GRIK2: variants seen among roughly 807,000 people sequenced by gnomAD.
The protein encoded by GRIK2 is glutamate receptor ionotropic, kainate 2.
Under a neutral mutation model 100.3 loss-of-function variants are expected in GRIK2, and 32 were observed. The ratio of observed to expected loss-of-function variants is 0.32; its 90% CI spans 0.24 to 0.43. GRIK2 has a LOEUF of 0.43. GRIK2 is among the 20% of genes least tolerant of loss of function. The pLI, the probability that GRIK2 is intolerant of heterozygous loss-of-function variation, is 1.00. For missense variants in GRIK2, 843 were observed against 1,114.9 expected, an observed-to-expected ratio of 0.76 and a Z score of 3.47; for synonymous variants, 417 against 389.4, an observed-to-expected ratio of 1.07 and a Z score of -0.83.
chr6:101,560,127 C>T lies in GRIK2; in HGVS notation c.116-61822C>T, dbSNP rs142157225. Among the ~76,000 whole-genome samples, 546 of 152,162 alleles carry T rather than the reference C, an allele frequency of 3.6e-3. 2 individuals are homozygous for T. The highest frequency in any genetic ancestry group is 6.8e-3 in the Middle Eastern group (2 of 294). On this transcript the variant is annotated intron_variant, in intron 2 of 16. Transcript: ENST00000369134. ...AACTGTAGTCCTTAGAACCCAATAC[C>T]CCTCTCCAGTATTGCCAACAATAAA... is the stretch of plus-strand genomic sequence containing the variant.
At position 101,399,037 on chromosome 6, in the gene GRIK2, C is replaced by G; in HGVS notation, c.-241C>G. 1 of 458,394 alleles carries G rather than the reference C, an allele frequency of 2.2e-6. No homozygotes were observed. The highest frequency in any genetic ancestry group is 3.9e-6 in the Non-Finnish European group (1 of 259,486). 28.4% of individuals were successfully genotyped at this position (458,394 alleles called of 1,614,324 possible). ...GCGTGCTGGATTTCTCCCGGATGCT[C>G]TCCGACTAACATGGATGTCCCACCA... On this transcript the variant is annotated 5_prime_UTR_variant, in exon 2 of 17. Coordinates refer to ENST00000369134, the MANE Select transcript of GRIK2 (RefSeq NM_021956.5).
chr6:101,621,408 C>T (rs901506690), intron 2 of GRIK2, among the ~76,000 whole-genome samples: 5 of 151,940 alleles, frequency 3.3e-5, no homozygotes, highest in Non-Finnish European at 7.4e-5. Context: ...GGGCTGTGAT[C>T]GCTCCTCTGC....
chr6:101,822,952 A>G (rs1782049855), intron 10 of GRIK2, among the ~76,000 whole-genome samples: 1 of 152,138 alleles, frequency 6.6e-6, no homozygotes. Flanking sequence ...ATCTTGATTG[A>G]TAATTATTTA....
chr6:101,914,174 T>G (rs112133944), intron 12 of GRIK2, among the ~76,000 whole-genome samples: 10,829 of 151,246 alleles, frequency 0.072, 959 homozygotes, highest in African/African-American at 0.21. Flanking sequence ...GCAATAAACT[T>G]TGGTGATGTA....
chr6:102,021,621 G>A (rs754230701), intron 14 of GRIK2, among the ~76,000 whole-genome samples: 8 of 151,426 alleles, frequency 5.3e-5, no homozygotes, highest in Non-Finnish European at 8.9e-5. Flanking sequence ...TGTTCTTTTA[G>A]AGGCTTATTA....
intron 14 of GRIK2, among the ~76,000 whole-genome samples, chr6:101,946,061 C>T (rs1266129957): frequency 1.3e-5 from 2 of 151,706 alleles, no homozygotes; most frequent in Admixed American, 1.3e-4. Flanking sequence ...AACCATTTTA[C>T]ATACCCTAAT....
chr6:101,993,781 A>G (rs1404077413), intron 14 of GRIK2: 2 of 148,542 alleles, frequency 1.3e-5, no homozygotes, highest in South Asian at 2.1e-4. Context: ...GCATGCTTCT[A>G]TATATATATT....
intron 12 of GRIK2, among the ~76,000 whole-genome samples, chr6:101,915,105 T>G (rs1789013929): frequency 6.6e-6 from 1 of 151,404 alleles, no homozygotes; most frequent in Non-Finnish European, 1.5e-5. Flanking sequence ...TACTTAAATA[T>G]GTACAATTAA....
At chr6:101,686,056 T>C in intron 6 of GRIK2, 124 bp from the exon 7 acceptor site, 1 of 612,678 alleles carries the variant, frequency 1.6e-6, no homozygotes, top group Non-Finnish European at 2.9e-6. Context: ...TTGTGATGTT[T>C]AACGTCACTT....
chr6:101,859,734 C>A (rs551568583), intron 11 of GRIK2, among the ~76,000 whole-genome samples: 1 of 152,238 alleles, frequency 6.6e-6, no homozygotes, highest in East Asian at 1.9e-4. Flanking sequence ...GGAACATTAT[C>A]TCTCTTGATT....
chr6:101,707,098 CT>C (rs1229011348), intron 7 of GRIK2, among the ~76,000 whole-genome samples: 5 of 151,770 alleles, frequency 3.3e-5, no homozygotes, highest in African/African-American at 4.8e-5. Flanking sequence ...ATCATAGGCT[CT>C]GAATTTAAAA....
chr6:101,741,035 TA>T (rs1307160382), intron 7 of GRIK2, among the ~76,000 whole-genome samples: 2 of 152,016 alleles, frequency 1.3e-5, no homozygotes, highest in African/African-American at 4.8e-5. Context: ...TCACTCAAGG[TA>T]AAAAACAGAA....
At chr6:102,050,497 C>T (rs890265838) in intron 15 of GRIK2, among the ~76,000 whole-genome samples, 14 of 151,638 alleles carry the variant, frequency 9.2e-5, no homozygotes, top group African/African-American at 2.9e-4. Flanking sequence ...ACTAAAAATA[C>T]AAAAATTAGC....
At chr6:101,681,815 G>GT (rs1290548890) in intron 5 of GRIK2, among the ~76,000 whole-genome samples, 3 of 152,086 alleles carry the variant, frequency 2.0e-5, no homozygotes, top group Non-Finnish European at 4.4e-5. Context: ...AAAATGCATT[G>GT]TTTTTTAATT....
chr6:101,961,860 T>C (rs1472706768), intron 14 of GRIK2, among the ~76,000 whole-genome samples: 1 of 152,086 alleles, frequency 6.6e-6, no homozygotes, highest in Non-Finnish European at 1.5e-5. Flanking sequence ...TCTACTGGTG[T>C]TGAGGCAAGA....
chr6:101,639,483 C>T (rs550776364), intron 4 of GRIK2, among the ~76,000 whole-genome samples: 1 of 151,914 alleles, frequency 6.6e-6, no homozygotes, highest in African/African-American at 2.4e-5. Context: ...CAATAAATGA[C>T]CATGTTAGAC....
chr6:101,409,156 A>C (rs1775749567), intron 2 of GRIK2, among the ~76,000 whole-genome samples: 1 of 147,392 alleles, frequency 6.8e-6, no homozygotes, highest in African/African-American at 2.5e-5. Context: ...GTGTGTGTAC[A>C]GTTAAGATTA....
At chr6:101,808,080 A>G (rs1052637720) in intron 9 of GRIK2, among the ~76,000 whole-genome samples, 1 of 152,046 alleles carries the variant, frequency 6.6e-6, no homozygotes, top group African/African-American at 2.4e-5. Context: ...TTATTGTTCC[A>G]TCACCTGAAG....
intron 9 of GRIK2, among the ~76,000 whole-genome samples, chr6:101,810,964 C>T (rs1781289152): frequency 6.6e-6 from 1 of 152,026 alleles, no homozygotes; most frequent in Admixed American, 6.6e-5. Flanking sequence ...TATATTCAGT[C>T]AATTGCAGGA....
Sources: gnomAD v4.1 joint callset for allele counts (sites outside exome capture counted in the v4.1 genomes callset) on GRCh38, gnomAD v4.1.1 for gene constraint, MANE v1.5 for transcripts, NCBI Gene and HGNC (gene_info 2026-07-23, HGNC 2026-07-21) for gene names.